The following INAVA variants were observed in gnomAD, a reference collection of about 807,000 sequenced individuals.
The protein encoded by INAVA is innate immunity activator protein.
In INAVA, 32 loss-of-function variants were observed where a neutral mutation model predicts 55.3. The ratio of observed to expected loss-of-function variants is 0.58; its 90% CI spans 0.44 to 0.78. The LOEUF is 0.78. Ranked by LOEUF, INAVA falls within the 30% of genes least tolerant of loss-of-function variation. INAVA has a pLI of 0.00. For synonymous variants in INAVA, 294 were observed against 329.4 expected, an observed-to-expected ratio of 0.89 and a Z score of 1.16; for missense variants, 756 against 786.4, an observed-to-expected ratio of 0.96 and a Z score of 0.46.
At chr1:200,892,855 G>A (rs527299820), upstream of INAVA, among the ~76,000 whole-genome samples, 3 of 152,354 alleles carry the variant, frequency 2.0e-5, no homozygotes, top group South Asian at 2.1e-4. Flanking sequence ...AATATTGAGC[G>A]TGAATTTGGG....
chr1:200,900,301 T>C (rs1653186634), intron 4 of INAVA, 81 bp downstream of exon 4: 1 of 1,284,350 alleles, frequency 7.8e-7, no homozygotes, highest in African/African-American at 1.5e-5. Context: ...CTCAGTACCC[T>C]GGCAGGTTCC....
chr1:200,912,274 G>A, intron 9 of INAVA, 137 bp downstream of exon 9: 1 of 866,288 alleles, frequency 1.2e-6, no homozygotes, highest in Non-Finnish European at 1.7e-6. Context: ...CGTCTAGGAA[G>A]AACAGGCCAA....
rs775794011 is a variant in INAVA, at chr1:200,899,569, A to G, written c.152A>G (p.Glu51Gly). The change falls in exon 3 of 10, where the codon GAG (glutamate) becomes GGG (glycine). Residue 51 changes from glutamate (E) to glycine (G), a missense_variant. Glu to Gly is a moderately conservative substitution (Grantham distance 98, BLOSUM62 -2). This residue lies in a region of INAVA where 639 missense variants were observed against 624.3 expected (regional missense o/e 1.02). Transcript: ENST00000413687. Reference protein sequence around the residue: ...LEARLEACLEELRRLCLREAE... With the variant: ...LEARLEACLEGLRRLCLREAE... ...GCGAGGCTGGAGGCCTGCCTGGAGG[A>G]GCTGAGGAGACTCTGCCTTCGGGAA... The G allele has an allele frequency of 2.5e-6, 4 of 1,613,126 alleles. No homozygotes were observed. The highest frequency in any genetic ancestry group is 2.2e-5 in the East Asian group (1 of 44,840).
At chr1:200,909,033 G>A in intron 7 of INAVA, 93 bp downstream of exon 7, 1 of 1,382,890 alleles carries the variant, frequency 7.2e-7, no homozygotes, top group East Asian at 2.5e-5. Context: ...AGATGGAAAA[G>A]TGGAAAGGTG....
intron 1 of INAVA, among the ~76,000 whole-genome samples, chr1:200,895,835 C>T (rs1180816581): frequency 5.3e-5 from 8 of 152,124 alleles, no homozygotes; most frequent in East Asian, 1.9e-4. Flanking sequence ...AAGGAAGCCC[C>T]GGGAGGCCTG....
At position 200,915,613 on chromosome 1, in the gene INAVA, CTTA is replaced by C. The variant is rs1333126488; in HGVS notation, c.*1987_*1989del. 6 of 151,980 alleles carry C rather than the reference CTTA, an allele frequency of 3.9e-5. No individual in the cohort carries two copies. Among genetic ancestry groups the C allele is most frequent in the Non-Finnish European group, 7.4e-5 (5 of 67,970 alleles). The allele number at this position is 151,980 out of a possible 1,614,324, so 9.4% of individuals were successfully genotyped here. A position where few individuals can be genotyped will look rare whatever the true frequency, so the allele number is the denominator to read the frequency against. On this transcript the variant is annotated 3_prime_UTR_variant, in exon 10 of 10. Coordinates refer to ENST00000413687, the MANE Select transcript of INAVA (RefSeq NM_001142569.3). ...CACACCTAAGCGTCCTTTACATTAA[CTTA>C]TTGGTCTTGTATAACACCTGGTGCC...
chr1:200,913,511 C>T (rs776647559), intron 9 of INAVA, 26 bp from the exon 10 acceptor site: 24 of 1,601,368 alleles, frequency 1.5e-5, no homozygotes, highest in Non-Finnish European at 1.9e-5. Flanking sequence ...ATTTACCCAC[C>T]TGTCCTTTCT....
Position 200,909,375 on chromosome 1 carries a change from A to G in INAVA, c.937A>G (p.Arg313Gly). The change falls in exon 8 of 10, where the codon AGG becomes GGG. Residue 313 changes from arginine to glycine, a missense_variant. Transcript: ENST00000413687. The stretch of plus-strand genomic sequence containing the variant: ...AGCCACCCCTGAGATACAGGGGAGG[A>G]GGGGCCAGTCGCAGTCTCTGAGGTA... Reference protein sequence around the residue: ...APATPEIQGRRGQSQSLRVDS... With the variant: ...APATPEIQGRGGQSQSLRVDS... The G allele has an allele frequency of 6.2e-7, 1 of 1,604,682 alleles. No individual in the cohort carries two copies. The highest frequency in any genetic ancestry group is 8.5e-7 in the Non-Finnish European group (1 of 1,174,552).
At chr1:200,900,659 G>A (rs149509739) in intron 4 of INAVA, among the ~76,000 whole-genome samples, 322 of 152,334 alleles carry the variant, frequency 2.1e-3, no homozygotes, top group African/African-American at 7.1e-3. Flanking sequence ...GGGTCAGGAG[G>A]GAAAGTGTCC....
chr1:200,912,994 C>T (rs1653813364), intron 9 of INAVA, among the ~76,000 whole-genome samples: 1 of 152,120 alleles, frequency 6.6e-6, no homozygotes, highest in African/African-American at 2.4e-5. Flanking sequence ...TTTCTTTATT[C>T]TTTCTCCCTG....
intron 6 of INAVA, 100 bp from the exon 7 acceptor site, chr1:200,908,630 G>A: frequency 2.0e-6 from 2 of 1,003,230 alleles, no homozygotes; most frequent in South Asian, 1.7e-5. Flanking sequence ...AAGCCAGCAT[G>A]GGAGGGAGAG....
chr1:200,908,096 G>T, intron 6 of INAVA: 1 of 466,978 alleles, frequency 2.1e-6, no homozygotes, highest in South Asian at 3.8e-5. Flanking sequence ...TCCCATTCTG[G>T]AAGCTCATTA....
In INAVA at chr1:200,908,834, G is replaced by C. The variant is rs1653599717; in HGVS notation, c.679G>C (p.Gly227Arg). The change falls in exon 7 of 10, where the codon GGG (glycine) becomes CGG (arginine). Residue 227 changes from glycine (G) to arginine (R), a missense_variant. Physicochemically the swap from Gly to Arg is moderately radical, Grantham distance 125 (BLOSUM62 -2). Transcript: ENST00000413687. ...EGLQPTGPEAGSPERAPVQNS... is the reference protein window; with the variant it reads ...EGLQPTGPEARSPERAPVQNS... ...TCTGCAGCCAACAGGACCTGAGGCT[G>C]GGAGCCCAGAACGGGCTCCAGTCCA... 2 of 1,613,924 alleles carry C rather than the reference G, an allele frequency of 1.2e-6. No homozygotes were observed. The highest frequency in any genetic ancestry group is 2.7e-5 in the African/African-American group (2 of 75,042).
rs775794011 is a variant in INAVA at position 200,899,569 on chromosome 1, A to T, written c.152A>T (p.Glu51Val). 11 of 1,613,008 alleles carry T rather than the reference A, an allele frequency of 6.8e-6. No individual in the cohort carries two copies. The East Asian group carries it at 2.2e-4, about 33-fold the overall frequency. The change falls in exon 3 of 10, where the codon GAG (glutamate) becomes GTG (valine). Residue 51 changes from glutamate to valine, a missense_variant. This residue lies in a region of INAVA where 639 missense variants were observed against 624.3 expected (regional missense o/e 1.02). Coordinates refer to ENST00000413687, the MANE Select transcript of INAVA (RefSeq NM_001142569.3). ...LEARLEACLE[E>V]LRRLCLREAE... ...GCGAGGCTGGAGGCCTGCCTGGAGG[A>T]GCTGAGGAGACTCTGCCTTCGGGAA...
At position 200,899,686 on chromosome 1, in the gene INAVA, G is replaced by C. The variant is rs755569579; in HGVS notation, c.180+89G>C. The C allele has an allele frequency of 8.5e-5, 130 of 1,523,400 alleles. No individual in the cohort carries two copies. In the Middle Eastern group the frequency reaches 9.5e-4, roughly 11 times the overall value. The allele number at this position is 1,523,400 out of a possible 1,614,324, so 94.4% of individuals were successfully genotyped here. A position where few individuals can be genotyped will look rare whatever the true frequency, so the allele number is the denominator to read the frequency against. On this transcript the variant is annotated intron_variant, in intron 3 of 9. Coordinates refer to ENST00000413687, the MANE Select transcript of INAVA (RefSeq NM_001142569.3). ...GGGATGCGGGAGCTGGGGAGAGGGAGCCCCATTCTTGAGGGAATTCTGGAC... is the reference window on the plus strand; with the variant it reads ...GGGATGCGGGAGCTGGGGAGAGGGACCCCCATTCTTGAGGGAATTCTGGAC...
chr1:200,897,750 C>T (rs1668382895), intron 1 of INAVA, among the ~76,000 whole-genome samples: 1 of 152,088 alleles, frequency 6.6e-6, no homozygotes, highest in South Asian at 2.1e-4. Flanking sequence ...CTGCCTCAGC[C>T]TCCTGAGTAG....
At chr1:200,891,553 C>T (rs1171318932), upstream of INAVA, 2 of 1,602,560 alleles carry the variant, frequency 1.2e-6, no homozygotes, top group Non-Finnish European at 1.7e-6. Flanking sequence ...GCTGCAAATG[C>T]CGAAGTTAAA....
At chr1:200,913,104 C>G (rs879698771) in intron 9 of INAVA, among the ~76,000 whole-genome samples, 3 of 152,334 alleles carry the variant, frequency 2.0e-5, no homozygotes, top group Admixed American at 6.5e-5. Flanking sequence ...GTCCCTCCCC[C>G]ACCCACGGTT....
chr1:200,893,490 T>C (rs1668275720), upstream of INAVA, among the ~76,000 whole-genome samples: 1 of 151,986 alleles, frequency 6.6e-6, no homozygotes. Context: ...TTTGACTTTG[T>C]AAGAAAGTGC....
Sources: allele counts gnomAD v4.1 joint callset (sites outside exome capture counted in the v4.1 genomes callset), GRCh38; gene constraint gnomAD v4.1.1; regional missense constraint gnomAD v4.1.1; transcripts MANE v1.5; gene names NCBI Gene and HGNC (gene_info 2026-07-23, HGNC 2026-07-21).